The following FSTL4 variants were observed in gnomAD, a reference collection of about 807,000 sequenced individuals.
FSTL4 encodes follistatin-related protein 4.
FSTL4 carries 28 observed loss-of-function variants against 78.2 expected under a neutral mutation model. The ratio of observed to expected loss-of-function variants is 0.36; its 90% CI spans 0.27 to 0.49. FSTL4 has a LOEUF of 0.49. FSTL4 is among the 20% of genes least tolerant of loss of function. FSTL4 has a pLI of 0.98. For synonymous variants in FSTL4, 422 were observed against 440.5 expected (o/e 0.96, Z 0.53); for missense variants, 922 against 1,084.9 (o/e 0.85, Z 2.11).
chr5:133,238,685 G>A (rs747962774), intron 7 of FSTL4, among the ~76,000 whole-genome samples: 10 of 152,232 alleles, frequency 6.6e-5, no homozygotes, highest in African/African-American at 1.2e-4. Context: ...ACATGGACAC[G>A]TGGTACACAT....
the FSTL4 span, among the ~76,000 whole-genome samples, chr5:133,816,675 C>A: frequency 9.2e-5 from 14 of 152,168 alleles, no homozygotes; most frequent in African/African-American, 3.4e-4. Context: ...CCAAACCCCA[C>A]GAGTGTCATT....
chr5:133,322,164 T>C lies in FSTL4; in HGVS notation c.410-5512A>G, dbSNP rs185054077. Among the ~76,000 whole-genome samples the C allele has an allele frequency of 2.0e-5, 3 of 151,558 alleles. No homozygotes were observed. In the East Asian group the frequency reaches 5.8e-4, roughly 29 times the overall value. On this transcript the variant is annotated intron_variant, in intron 4 of 15. Coordinates refer to ENST00000265342, the MANE Select transcript of FSTL4 (RefSeq NM_015082.2). Reference sequence around the variant, plus strand: ...GCTTTCTCATGCTGCCCCACCCCCTTCCTGTCTTCAGGCCCAATCCACCTC... The same window carrying C: ...GCTTTCTCATGCTGCCCCACCCCCTCCCTGTCTTCAGGCCCAATCCACCTC...
Position 133,352,253 on chromosome 5 carries a change from C to CAT in FSTL4, c.410-35603_410-35602dup, listed in dbSNP as rs34251947. Reference sequence around the variant, plus strand: ...TCTCACACACATATATATATACACACATATATATATACACACATATATATA... The same window carrying CAT: ...TCTCACACACATATATATATACACACATATATATATATACACACATATATATA... On this transcript the variant is annotated intron_variant, in intron 4 of 15. Transcript: ENST00000265342. Among the ~76,000 whole-genome samples, 395 of 85,698 alleles carry CAT rather than the reference C, an allele frequency of 4.6e-3. 4 individuals carry two copies. Among genetic ancestry groups the CAT allele is most frequent in the South Asian group, 7.3e-3 (21 of 2,860 alleles). 56.2% of individuals were successfully genotyped at this position (85,698 alleles called of 152,430 possible).
intron 3 of FSTL4, among the ~76,000 whole-genome samples, chr5:133,402,948 G>A (rs930268932): frequency 4.6e-5 from 7 of 152,234 alleles, no homozygotes; most frequent in African/African-American, 7.2e-5. Context: ...GGAAGGAGGC[G>A]GAAGGCAGGC....
the FSTL4 span, among the ~76,000 whole-genome samples, chr5:133,625,337 T>C: frequency 1.3e-5 from 2 of 151,638 alleles, no homozygotes; most frequent in Non-Finnish European, 3.0e-5. Flanking sequence ...ATTGGAGGAG[T>C]TGTGGAAGTT....
At chr5:133,269,658 A>G (rs1264543028) in intron 6 of FSTL4, among the ~76,000 whole-genome samples, 1 of 152,146 alleles carries the variant, frequency 6.6e-6, no homozygotes, top group Non-Finnish European at 1.5e-5. Context: ...CTCACTAGAG[A>G]TGGTCCTTTG....
At chr5:133,432,473 C>T (rs907872510) in intron 3 of FSTL4, among the ~76,000 whole-genome samples, 18 of 152,304 alleles carry the variant, frequency 1.2e-4, no homozygotes, top group African/African-American at 4.3e-4. Context: ...TCCCTTCTGC[C>T]AAACCTACCT....
the FSTL4 span, among the ~76,000 whole-genome samples, chr5:133,733,228 C>A: frequency 2.0e-5 from 3 of 152,184 alleles, no homozygotes; most frequent in Non-Finnish European, 4.4e-5. Context: ...CTTAGATTCC[C>A]AGTATATCTC....
the FSTL4 span, among the ~76,000 whole-genome samples, chr5:133,660,755 TAC>T: frequency 1.3e-5 from 2 of 152,190 alleles, no homozygotes. Context: ...AATTTTCTTT[TAC>T]ACACAGTCAT....
At position 133,611,972 on chromosome 5, in the gene FSTL4, G is replaced by A. The variant is rs1761106068; in HGVS notation, c.-11+353C>T. On this transcript the variant is annotated intron_variant, in intron 1 of 15. Coordinates refer to ENST00000265342, the MANE Select transcript of FSTL4 (RefSeq NM_015082.2). This position sits in a 1 kb window ranked among gnomAD's most constrained non-coding sequence, Gnocchi z 4.9. Reference sequence around the variant, plus strand: ...CGCCTGCAGGATTTCGGAGCCGGGCGCGAGCTGCGGGCTCGGCCCGAGCGC... The same window carrying A: ...CGCCTGCAGGATTTCGGAGCCGGGCACGAGCTGCGGGCTCGGCCCGAGCGC... Among the ~76,000 whole-genome samples the A allele has an allele frequency of 6.6e-6, 1 of 152,032 alleles. No individual in the cohort carries two copies. The highest frequency in any genetic ancestry group is 1.5e-5 in the Non-Finnish European group (1 of 67,954).
rs1212060078 is a variant in FSTL4 at position 133,440,101 on chromosome 5, G to A, written c.161-39115C>T. Among the ~76,000 whole-genome samples, 1 of 152,138 alleles carries A rather than the reference G, an allele frequency of 6.6e-6. No individual in the cohort carries two copies. The highest frequency in any genetic ancestry group is 2.4e-5 in the African/African-American group (1 of 41,436). ...AAGGAAGAGTCACCCTGGAGCACAA[G>A]CCCTGGCTGTGGAAGAATGGCAGGT... On this transcript the variant is annotated intron_variant, in intron 3 of 15. Coordinates refer to ENST00000265342, the MANE Select transcript of FSTL4 (RefSeq NM_015082.2). The surrounding 1 kb of genome is among the most constrained non-coding windows in gnomAD (Gnocchi z 4.1).
chr5:133,455,468 G>GT (rs1429848767), intron 3 of FSTL4, among the ~76,000 whole-genome samples: 1 of 105,194 alleles, frequency 9.5e-6, no homozygotes, highest in Admixed American at 9.7e-5. Flanking sequence ...AAATAAATTT[G>GT]TTTTTTAAGC....
chr5:133,261,146 C>T (rs1412512280), intron 6 of FSTL4, among the ~76,000 whole-genome samples: 3 of 152,162 alleles, frequency 2.0e-5, no homozygotes, highest in East Asian at 3.8e-4. Context: ...ATGGGGCTGG[C>T]TAATTCGGAA....
intron 3 of FSTL4, among the ~76,000 whole-genome samples, chr5:133,461,541 CT>C (rs1425201335): frequency 1.6e-5 from 2 of 124,596 alleles, no homozygotes; most frequent in African/African-American, 7.2e-5. Flanking sequence ...TTTTTACTCC[CT>C]AAACAAACAA....
At chr5:133,390,172 A>G (rs1193255914) in intron 4 of FSTL4, among the ~76,000 whole-genome samples, 2 of 152,248 alleles carry the variant, frequency 1.3e-5, no homozygotes, top group Non-Finnish European at 2.9e-5. Flanking sequence ...TACAAAGAGA[A>G]GTGCACAACT....
chr5:133,471,813 T>C (rs1277386529), intron 3 of FSTL4, among the ~76,000 whole-genome samples: 1 of 152,184 alleles, frequency 6.6e-6, no homozygotes, highest in Non-Finnish European at 1.5e-5. Context: ...TTAAAGATGA[T>C]GCCTTTAAAA....
intron 4 of FSTL4, among the ~76,000 whole-genome samples, chr5:133,383,850 A>T (rs1348039262): frequency 6.6e-6 from 1 of 152,182 alleles, no homozygotes; most frequent in Non-Finnish European, 1.5e-5. Flanking sequence ...GCACACTTGG[A>T]TCTAATCAGC....
chr5:133,279,497 G>A (rs758995846), intron 6 of FSTL4, among the ~76,000 whole-genome samples: 1 of 152,216 alleles, frequency 6.6e-6, no homozygotes, highest in Non-Finnish European at 1.5e-5. Context: ...TTGCCAACAG[G>A]TGGGGCCCAG....
At chr5:133,686,637 G>A in the FSTL4 span, among the ~76,000 whole-genome samples, 1 of 152,212 alleles carries the variant, frequency 6.6e-6, no homozygotes, top group Non-Finnish European at 1.5e-5. Context: ...AGGCCAGGTG[G>A]GATAGGCAGC....
Sources: gnomAD v4.1 joint callset for allele counts (sites outside exome capture counted in the v4.1 genomes callset) on GRCh38, gnomAD v4.1.1 for gene constraint, Gnocchi (gnomAD v3.1) non-coding constraint, MANE v1.5 for transcripts, NCBI Gene and HGNC (gene_info 2026-07-23, HGNC 2026-07-21) for gene names.